Variants in CADM2 observed in about 807,000 individuals in gnomAD.
CADM2 encodes the protein immunoglobulin superfamily member 4D.
Under a neutral mutation model 49.8 loss-of-function variants are expected in CADM2, and 12 were observed. The observed-to-expected ratio is 0.24, with a 90% CI of 0.15 to 0.39. The LOEUF is 0.39. Ranked by LOEUF, CADM2 falls within the 10% of genes least tolerant of loss-of-function variation. The probability of loss-of-function intolerance (pLI) is 1.00; values close to 1 mark genes in which losing one functional copy is unlikely to be tolerated. For synonymous variants in CADM2, 214 were observed against 175.4 expected (o/e 1.22, Z -1.74); for missense variants, 378 against 492.3 (o/e 0.77, Z 2.20).
intron 8 of CADM2, among the ~76,000 whole-genome samples, chr3:86,019,309 C>T (rs1303163568): frequency 1.5e-3 from 205 of 140,002 alleles, no homozygotes; most frequent in Middle Eastern, 7.5e-3. Context: ...AGTCAGGTAG[C>T]GTGATGCCTC....
At chr3:85,071,650 G>A (rs904580696) in intron 1 of CADM2, among the ~76,000 whole-genome samples, 2 of 152,048 alleles carry the variant, frequency 1.3e-5, no homozygotes, top group Non-Finnish European at 1.5e-5. Context: ...TAAGACCTTT[G>A]AACAATGGCA....
chr3:85,489,256 G>C (rs1189183812), intron 1 of CADM2, among the ~76,000 whole-genome samples: 2 of 152,070 alleles, frequency 1.3e-5, no homozygotes, highest in East Asian at 1.9e-4. Context: ...GTCTTACTAA[G>C]AATGACTAAG....
chr3:85,861,580 G>A (rs2075536458), intron 3 of CADM2, among the ~76,000 whole-genome samples: 1 of 152,004 alleles, frequency 6.6e-6, no homozygotes, highest in Non-Finnish European at 1.5e-5. Context: ...GGAGGTCAGG[G>A]GGTAGGTATA....
intron 1 of CADM2, among the ~76,000 whole-genome samples, chr3:85,570,393 A>G (rs1382716841): frequency 6.6e-6 from 1 of 152,150 alleles, no homozygotes; most frequent in African/African-American, 2.4e-5. Flanking sequence ...TAATTCTAAT[A>G]AGTAAAATAA....
At chr3:85,544,803 T>C (rs1389193928) in intron 1 of CADM2, among the ~76,000 whole-genome samples, 2 of 148,052 alleles carry the variant, frequency 1.4e-5, no homozygotes, top group Non-Finnish European at 3.0e-5. Context: ...AATTTGTTGA[T>C]AATATGCTAC....
chr3:85,338,832 A>G (rs1006099708), intron 1 of CADM2, among the ~76,000 whole-genome samples: 1 of 151,512 alleles, frequency 6.6e-6, no homozygotes, highest in African/African-American at 2.4e-5. Flanking sequence ...AATTTTAGTT[A>G]CAGTAGTATA....
At chr3:85,867,985 T>A (rs183619676) in intron 3 of CADM2, among the ~76,000 whole-genome samples, 133 of 152,182 alleles carry the variant, frequency 8.7e-4, no homozygotes, top group African/African-American at 3.0e-3. Context: ...CAGCTTCAAA[T>A]AGTCAATTTC....
chr3:85,114,121 C>G (rs1263446859), intron 1 of CADM2, among the ~76,000 whole-genome samples: 2 of 151,868 alleles, frequency 1.3e-5, no homozygotes, highest in Non-Finnish European at 2.9e-5. Context: ...GAACTGAGCT[C>G]TGAGAAAAAT....
intron 8 of CADM2, among the ~76,000 whole-genome samples, chr3:86,003,998 C>G (rs1002912210): frequency 6.6e-6 from 1 of 151,848 alleles, no homozygotes; most frequent in Non-Finnish European, 1.5e-5. Flanking sequence ...CCAATGGCTC[C>G]AAATAAAGTC....
intron 1 of CADM2, among the ~76,000 whole-genome samples, chr3:85,703,532 A>G (rs2107715395): frequency 6.6e-6 from 1 of 152,278 alleles, no homozygotes; most frequent in Non-Finnish European, 1.5e-5. Context: ...TCATAACCGT[A>G]GAGTGGGGCA....
chr3:85,164,005 C>T (rs1368280077), intron 1 of CADM2, among the ~76,000 whole-genome samples: 1 of 151,946 alleles, frequency 6.6e-6, no homozygotes, highest in Non-Finnish European at 1.5e-5. Context: ...TTTTAAATGT[C>T]CAGAATAGAA....
At chr3:85,037,204 G>T (rs2035256943) in intron 1 of CADM2, among the ~76,000 whole-genome samples, 2 of 151,950 alleles carry the variant, frequency 1.3e-5, no homozygotes, top group African/African-American at 4.8e-5. Context: ...ATATGATTCT[G>T]CTTTACTGTC....
chr3:85,021,516 T>C (rs2034510719), intron 1 of CADM2, among the ~76,000 whole-genome samples: 2 of 152,152 alleles, frequency 1.3e-5, no homozygotes, highest in African/African-American at 4.8e-5. Flanking sequence ...GACTCACACC[T>C]GTAATCCCAG....
rs374041058 is a variant in CADM2 at position 85,224,092 on chromosome 3, G to T, written c.61+264424G>T. Among the ~76,000 whole-genome samples the T allele has an allele frequency of 1.8e-3, 274 of 152,250 alleles. 1 individual carries two copies. Among genetic ancestry groups the T allele is most frequent in the African/African-American group, 6.3e-3 (263 of 41,536 alleles). On this transcript the variant is annotated intron_variant, in intron 1 of 9. Coordinates refer to ENST00000383699, the MANE Select transcript of CADM2 (RefSeq NM_001167675.2). ...TGTGCACGTATCTTTATAGTAGAATGATTTATAATCCTTTGGGTATATACC... is the reference window on the plus strand; with the variant it reads ...TGTGCACGTATCTTTATAGTAGAATTATTTATAATCCTTTGGGTATATACC...
chr3:85,952,947 G>T (rs1001491498), intron 7 of CADM2, among the ~76,000 whole-genome samples: 2 of 150,366 alleles, frequency 1.3e-5, no homozygotes, highest in African/African-American at 4.9e-5. Context: ...AGAAAGTCTA[G>T]ATTCTTCAGC....
In CADM2 at chr3:86,013,676, G is replaced by A; in HGVS notation, c.971-51929G>A. The A allele has an allele frequency of 1.9e-6, 3 of 1,602,292 alleles. No individual in the cohort carries two copies. The South Asian group carries it at 3.3e-5, about 18-fold the overall frequency. ...CAGGGGAAGAGCACCTAACTGTGTT[G>A]GTGGGGTTTGTTGATGAATCTCATA... On this transcript the variant is annotated intron_variant, in intron 8 of 9. Transcript: ENST00000383699.
At chr3:85,008,592 G>A (rs1052216072) in intron 1 of CADM2, among the ~76,000 whole-genome samples, 6 of 151,648 alleles carry the variant, frequency 4.0e-5, no homozygotes, top group Non-Finnish European at 7.4e-5. Context: ...ACGGAGAAGA[G>A]ACAGAAGTAG....
chr3:85,660,142 A>G (rs2065354568), intron 1 of CADM2, among the ~76,000 whole-genome samples: 1 of 152,132 alleles, frequency 6.6e-6, no homozygotes, highest in African/African-American at 2.4e-5. Context: ...GCAGGCTCTC[A>G]GTGAGATGCA....
chr3:85,923,462 C>T (rs12489145), intron 6 of CADM2, among the ~76,000 whole-genome samples: 47,428 of 149,828 alleles, frequency 0.32, 8,719 homozygotes, highest in East Asian at 0.42. Flanking sequence ...TTTGGGGTGT[C>T]TTTATTAATT....
Sources: gnomAD v4.1 joint callset for allele counts (sites outside exome capture counted in the v4.1 genomes callset) on GRCh38, gnomAD v4.1.1 for gene constraint, MANE v1.5 for transcripts, NCBI Gene and HGNC (gene_info 2026-07-23, HGNC 2026-07-21) for gene names.